PCDH15: variants seen among roughly 807,000 people sequenced by gnomAD.
PCDH15 encodes the protein protocadherin-15.
A neutral mutation model predicts 178.5 loss-of-function variants in PCDH15; 129 were observed. The observed-to-expected ratio is 0.72, with a 90% confidence interval of 0.63 to 0.84. The LOEUF (loss-of-function observed/expected upper bound fraction) is 0.84, where lower values mean the gene tolerates loss of function less well. PCDH15 is among the 40% of genes least tolerant of loss of function. The pLI is 0.00. For synonymous variants in PCDH15, 800 were observed against 732.0 expected, an observed-to-expected ratio of 1.09 and a Z score of -1.50; for missense variants, 2,230 against 2,099.9, an observed-to-expected ratio of 1.06 and a Z score of -1.21.
chr10:55,251,864 G>A (rs932927838), intron 1 of PCDH15, among the ~76,000 whole-genome samples: 10 of 152,176 alleles, frequency 6.6e-5, no homozygotes, highest in South Asian at 6.2e-4. Flanking sequence ...GGACAGATCC[G>A]CTAATTGAGA....
At chr10:54,788,332 C>T (rs1026550151) in intron 1 of PCDH15, among the ~76,000 whole-genome samples, 7 of 151,766 alleles carry the variant, frequency 4.6e-5, no homozygotes, top group African/African-American at 1.7e-4. Context: ...CTTAGTTTTA[C>T]ACCTTATGAA....
At chr10:55,586,103 CA>C (rs1226760679) in intron 2 of PCDH15, among the ~76,000 whole-genome samples, 1 of 151,500 alleles carries the variant, frequency 6.6e-6, no homozygotes, top group South Asian at 2.1e-4. Context: ...AAGTCTTGGG[CA>C]AAAAGGGTCA....
At chr10:55,615,422 TCTCAC>T (rs1374194987) in intron 2 of PCDH15, among the ~76,000 whole-genome samples, 1 of 152,154 alleles carries the variant, frequency 6.6e-6, no homozygotes, top group Non-Finnish European at 1.5e-5. Flanking sequence ...TTTAACTCAG[TCTCAC>T]CTCACCTTTA....
intron 2 of PCDH15, among the ~76,000 whole-genome samples, chr10:54,976,386 G>A (rs1311625173): frequency 6.6e-6 from 1 of 152,116 alleles, no homozygotes; most frequent in Non-Finnish European, 1.5e-5. Context: ...TCATGCAGAA[G>A]AAGGAGTTTT....
chr10:54,975,452 G>A (rs972544329), intron 2 of PCDH15, among the ~76,000 whole-genome samples: 1 of 152,056 alleles, frequency 6.6e-6, no homozygotes, highest in South Asian at 2.1e-4. Flanking sequence ...TTAGTGTTTT[G>A]CGGAACCGTA....
intron 3 of PCDH15, among the ~76,000 whole-genome samples, chr10:54,858,563 C>T (rs1019877090): frequency 6.6e-6 from 1 of 152,062 alleles, no homozygotes; most frequent in East Asian, 1.9e-4. Flanking sequence ...AGAATTCCTC[C>T]TCCCATATTG....
intron 1 of PCDH15, among the ~76,000 whole-genome samples, chr10:55,292,478 T>A (rs1366078692): frequency 6.6e-6 from 1 of 151,900 alleles, no homozygotes; most frequent in Non-Finnish European, 1.5e-5. Context: ...ATCTCCCGGG[T>A]TCAAGCAATT....
At chr10:54,325,050 A>C (rs2133814237) in intron 7 of PCDH15, among the ~76,000 whole-genome samples, 1 of 152,242 alleles carries the variant, frequency 6.6e-6, no homozygotes, top group East Asian at 1.9e-4. Context: ...GTCTGGAATT[A>C]ATCATTCCTT....
At chr10:53,850,093 C>T (rs1435474890) in intron 28 of PCDH15, among the ~76,000 whole-genome samples, 2 of 151,872 alleles carry the variant, frequency 1.3e-5, no homozygotes, top group Non-Finnish European at 2.9e-5. Context: ...TAAGAATCCA[C>T]GTAAAATAAA....
chr10:55,518,750 A>AC (rs963396569), intron 2 of PCDH15, among the ~76,000 whole-genome samples: 4 of 151,916 alleles, frequency 2.6e-5, no homozygotes, highest in Non-Finnish European at 4.4e-5. Context: ...ACAAAGAGAC[A>AC]CAGAAGCAGT....
chr10:55,159,612 T>G (rs1839005464), intron 2 of PCDH15, among the ~76,000 whole-genome samples: 1 of 147,880 alleles, frequency 6.8e-6, no homozygotes, highest in African/African-American at 2.5e-5. Context: ...AATGTGTAAA[T>G]AAATATATAT....
chr10:55,328,465 T>A (rs1424176146), intron 2 of PCDH15, among the ~76,000 whole-genome samples: 1 of 151,820 alleles, frequency 6.6e-6, no homozygotes. Flanking sequence ...ATGGTATTTG[T>A]TTATCTAAAC....
chr10:54,098,072 A>C (rs958079479), intron 15 of PCDH15, among the ~76,000 whole-genome samples: 1 of 152,134 alleles, frequency 6.6e-6, no homozygotes, highest in African/African-American at 2.4e-5. Context: ...GAAGCAACTG[A>C]ATTTACAGTA....
intron 37 of PCDH15, among the ~76,000 whole-genome samples, chr10:53,807,397 T>A (rs1433649894): frequency 6.6e-6 from 1 of 152,132 alleles, no homozygotes; most frequent in Admixed American, 6.6e-5. Flanking sequence ...TTCTTTTAGA[T>A]CAAATTACTG....
intron 18 of PCDH15, among the ~76,000 whole-genome samples, chr10:54,037,146 T>C (rs12765173): frequency 0.6 from 90,795 of 151,754 alleles, 29,867 homozygotes; most frequent in Middle Eastern, 0.76. Context: ...CTTGATATGA[T>C]ACCTACTCCT....
At chr10:55,582,576 G>A (rs1290189014) in intron 2 of PCDH15, among the ~76,000 whole-genome samples, 1 of 130,358 alleles carries the variant, frequency 7.7e-6, no homozygotes, top group Non-Finnish European at 1.6e-5. Context: ...ATTCAAACTG[G>A]CTATTCTGTA....
At chr10:55,471,410 T>C (rs761802534) in intron 2 of PCDH15, among the ~76,000 whole-genome samples, 3 of 152,226 alleles carry the variant, frequency 2.0e-5, no homozygotes, top group Non-Finnish European at 2.9e-5. Flanking sequence ...AGTCATATAC[T>C]GTATAATCAC....
intron 2 of PCDH15, among the ~76,000 whole-genome samples, chr10:55,385,722 T>TATATATATGC (rs1837641108): frequency 2.8e-5 from 4 of 143,330 alleles, no homozygotes; most frequent in African/African-American, 1.1e-4. Flanking sequence ...TATATATGCA[T>TATATATATGC]ATATATATAC....
chr10:53,837,841 AG>A (rs1250268415), intron 29 of PCDH15, among the ~76,000 whole-genome samples: 1 of 151,984 alleles, frequency 6.6e-6, no homozygotes, highest in Non-Finnish European at 1.5e-5. Flanking sequence ...ACAATTCTAG[AG>A]TTTCAAATAG....
Sources: gnomAD v4.1 joint callset for allele counts (sites outside exome capture counted in the v4.1 genomes callset) on GRCh38, gnomAD v4.1.1 for gene constraint, MANE v1.5 for transcripts, NCBI Gene and HGNC (gene_info 2026-07-23, HGNC 2026-07-21) for gene names.